NAV3: variants seen among roughly 807,000 people sequenced by gnomAD.
The protein encoded by NAV3 is neuron navigator 3.
NAV3 carries 87 observed loss-of-function variants against 244.7 expected under a neutral mutation model. The ratio of observed to expected loss-of-function variants is 0.36; its 90% confidence interval spans 0.30 to 0.42. The LOEUF (loss-of-function observed/expected upper bound fraction) is 0.42. NAV3 is among the 20% of genes least tolerant of loss of function. The pLI is 1.00. For missense variants in NAV3, 2,663 were observed against 2,893.3 expected, an observed-to-expected ratio of 0.92 and a Z score of 1.83; for synonymous variants, 1,126 against 1,042.2, an observed-to-expected ratio of 1.08 and a Z score of -1.55.
intron 2 of NAV3, among the ~76,000 whole-genome samples, chr12:77,824,922 AAC>A (rs869033844): frequency 6.8e-6 from 1 of 147,920 alleles, no homozygotes; most frequent in African/African-American, 2.5e-5. Context: ...CAACAACAAC[AAC>A]AAAGAAAATC....
intron 7 of NAV3, 54 bp downstream of exon 7, chr12:77,998,530 G>T: frequency 6.6e-7 from 1 of 1,505,416 alleles, no homozygotes. Flanking sequence ...CTTGTGAATT[G>T]CATGCTAAAT....
At chr12:78,036,438 A>T (rs1879894840) in intron 9 of NAV3, 1 of 163,528 alleles carries the variant, frequency 6.1e-6, no homozygotes, top group Admixed American at 5.7e-5. Flanking sequence ...GGGAAAGAAA[A>T]AAAAAAGCAA....
intron 5 of NAV3, among the ~76,000 whole-genome samples, chr12:77,981,654 A>T (rs1869581695): frequency 6.6e-6 from 1 of 151,956 alleles, no homozygotes; most frequent in African/African-American, 2.4e-5. Flanking sequence ...AGTGAATTTG[A>T]AAGGAAATAA....
chr12:77,672,111 T>G (rs550085130), intron 2 of NAV3, among the ~76,000 whole-genome samples: 1 of 152,188 alleles, frequency 6.6e-6, no homozygotes, highest in East Asian at 1.9e-4. Flanking sequence ...GAATAGACAA[T>G]TCTTAAAAGA....
chr12:77,602,651 G>A (rs923291601), intron 2 of NAV3, among the ~76,000 whole-genome samples: 2 of 151,658 alleles, frequency 1.3e-5, no homozygotes, highest in Non-Finnish European at 2.9e-5. Context: ...ACAGATAGGG[G>A]GGAATGTGTT....
At chr12:78,120,762 A>G (rs1279792851) in intron 15 of NAV3, among the ~76,000 whole-genome samples, 1 of 152,226 alleles carries the variant, frequency 6.6e-6, no homozygotes. Flanking sequence ...CTCATCTGCA[A>G]AATGGTAGAG....
intron 1 of NAV3, among the ~76,000 whole-genome samples, chr12:77,925,853 C>T (rs2137239228): frequency 6.6e-6 from 1 of 152,014 alleles, no homozygotes; most frequent in South Asian, 2.1e-4. Flanking sequence ...CAGATCTCAC[C>T]AATATGTTTT....
chr12:77,928,409 G>A (rs1888443539), intron 1 of NAV3, among the ~76,000 whole-genome samples: 1 of 152,002 alleles, frequency 6.6e-6, no homozygotes, highest in African/African-American at 2.4e-5. Context: ...AAAGGATAAG[G>A]GAGATGGAGG....
chr12:78,027,573 T>C (rs1419297183), intron 9 of NAV3, among the ~76,000 whole-genome samples: 9 of 152,214 alleles, frequency 5.9e-5, no homozygotes, highest in Non-Finnish European at 1.3e-4. Flanking sequence ...ATAATGCCAC[T>C]AGTGGAAAAT....
chr12:77,914,851 T>TTA (rs1555229546), intron 1 of NAV3, among the ~76,000 whole-genome samples: 1 of 151,470 alleles, frequency 6.6e-6, no homozygotes, highest in Admixed American at 6.6e-5. Flanking sequence ...TTTTTTTTTT[T>TTA]AATTATCTGA....
chr12:77,916,823 C>T (rs1887195875), intron 1 of NAV3, among the ~76,000 whole-genome samples: 2 of 151,730 alleles, frequency 1.3e-5, no homozygotes, highest in African/African-American at 4.8e-5. Flanking sequence ...TTTATGATTA[C>T]AATTAGTGTT....
intron 5 of NAV3, among the ~76,000 whole-genome samples, chr12:77,987,780 A>T (rs964437955): frequency 2.0e-5 from 3 of 152,210 alleles, no homozygotes; most frequent in Non-Finnish European, 4.4e-5. Flanking sequence ...CGAGATATTC[A>T]GAGAGGGGAT....
chr12:77,833,709 C>A (rs757950958), intron 1 of NAV3, among the ~76,000 whole-genome samples: 1 of 152,154 alleles, frequency 6.6e-6, no homozygotes, highest in Non-Finnish European at 1.5e-5. Context: ...GCCTTGGTTC[C>A]GGAAAAATCG....
At chr12:77,988,124 A>C (rs1427025792) in intron 5 of NAV3, among the ~76,000 whole-genome samples, 1 of 152,222 alleles carries the variant, frequency 6.6e-6, no homozygotes, top group Non-Finnish European at 1.5e-5. Context: ...ATTCTGTAGC[A>C]CACAGTATCT....
At chr12:78,061,330 G>GAA in intron 12 of NAV3, among the ~76,000 whole-genome samples, 1 of 152,202 alleles carries the variant, frequency 6.6e-6, no homozygotes. Flanking sequence ...TACCCTATTA[G>GAA]CTGTGTTCTG....
At chr12:78,047,480 C>T (rs1279125842) in intron 9 of NAV3, among the ~76,000 whole-genome samples, 1 of 152,136 alleles carries the variant, frequency 6.6e-6, no homozygotes, top group Non-Finnish European at 1.5e-5. Context: ...GAGCAAGACT[C>T]TGTCTCAAGC....
intron 2 of NAV3, among the ~76,000 whole-genome samples, chr12:77,738,420 A>G (rs1029003985): frequency 6.6e-5 from 10 of 152,222 alleles, no homozygotes; most frequent in Non-Finnish European, 1.0e-4. Flanking sequence ...GCAGCCAGTT[A>G]GTGAGTGCTC....
intron 2 of NAV3, among the ~76,000 whole-genome samples, chr12:77,622,264 G>A (rs541493179): frequency 5.9e-5 from 9 of 151,906 alleles, no homozygotes; most frequent in East Asian, 5.8e-4. Flanking sequence ...GGTTCATGCC[G>A]TTCTCCTGCC....
At position 77,927,335 on chromosome 12, in the gene NAV3, AC is replaced by A. The variant is rs571425033; in HGVS notation, c.244-12983del. ...TATTTTGAGATGGACATAAGATGTA[AC>A]AGAAATAAGGTAGAAGGCTGGAGTT... On this transcript the variant is annotated intron_variant, in intron 1 of 39. Coordinates refer to ENST00000397909, the MANE Select transcript of NAV3 (RefSeq NM_001024383.2). Among the ~76,000 whole-genome samples, 396 of 152,344 alleles carry A rather than the reference AC, an allele frequency of 2.6e-3. 1 individual carries two copies. Among genetic ancestry groups the A allele is most frequent in the Admixed American group, 2.0e-3 (30 of 15,308 alleles).
Sources: gnomAD v4.1 joint callset for allele counts (sites outside exome capture counted in the v4.1 genomes callset) on GRCh38, gnomAD v4.1.1 for gene constraint, MANE v1.5 for transcripts, NCBI Gene and HGNC (gene_info 2026-07-23, HGNC 2026-07-21) for gene names.